Variants in RAVER2 observed in about 807,000 individuals in gnomAD.
The protein encoded by RAVER2 is ribonucleoprotein PTB-binding 2.
A neutral mutation model predicts 78.1 loss-of-function variants in RAVER2; 46 were observed. The ratio of observed to expected loss-of-function variants is 0.59; its 90% CI spans 0.46 to 0.75. RAVER2 has a LOEUF of 0.75. Among genes scored for constraint, RAVER2 ranks in the 30% least tolerant of loss-of-function variants. The pLI is 0.00. For synonymous variants in RAVER2, 311 were observed against 313.3 expected (o/e 0.99, Z 0.08); for missense variants, 793 against 837.5 (o/e 0.95, Z 0.66).
At chr1:64,789,126 A>G (rs1473875051) in intron 4 of RAVER2, among the ~76,000 whole-genome samples, 1 of 152,232 alleles carries the variant, frequency 6.6e-6, no homozygotes, top group Non-Finnish European at 1.5e-5. Context: ...TTTGTATGAT[A>G]TGATGAGACT....
At chr1:64,747,067 T>C (rs1245542558) in intron 1 of RAVER2, among the ~76,000 whole-genome samples, 1 of 152,220 alleles carries the variant, frequency 6.6e-6, no homozygotes, top group African/African-American at 2.4e-5. Flanking sequence ...GTTGGTATCT[T>C]TCTCATTTCC....
chr1:64,800,377 A>G (rs1653227988), intron 5 of RAVER2, among the ~76,000 whole-genome samples: 2 of 152,092 alleles, frequency 1.3e-5, no homozygotes, highest in African/African-American at 2.4e-5. Flanking sequence ...CAGTGTCCTC[A>G]AGTGTTTCCC....
chr1:64,830,586 T>C (rs1654103527), intron 11 of RAVER2, among the ~76,000 whole-genome samples: 1 of 152,188 alleles, frequency 6.6e-6, no homozygotes, highest in Non-Finnish European at 1.5e-5. Context: ...TTTTTTCTTT[T>C]CCCAAAAAGT....
intron 5 of RAVER2, among the ~76,000 whole-genome samples, chr1:64,792,462 TTGGACTC>T (rs1652970528): frequency 1.3e-5 from 2 of 152,356 alleles, no homozygotes; most frequent in South Asian, 2.1e-4. Flanking sequence ...ATCTGCCTCT[TTGGACTC>T]TGGGCTATCT....
intron 5 of RAVER2, among the ~76,000 whole-genome samples, chr1:64,796,062 A>C (rs182093326): frequency 4.6e-5 from 7 of 151,874 alleles, no homozygotes; most frequent in African/African-American, 1.7e-4. Context: ...TATTTTTCCT[A>C]TCTGTTAACA....
At chr1:64,807,793 T>G (rs1055159615) in intron 9 of RAVER2, among the ~76,000 whole-genome samples, 1 of 152,180 alleles carries the variant, frequency 6.6e-6, no homozygotes, top group Non-Finnish European at 1.5e-5. Context: ...TGTGGATTCT[T>G]TATTCCTTAT....
At chr1:64,750,178 C>T (rs367739348) in intron 1 of RAVER2, among the ~76,000 whole-genome samples, 1 of 152,128 alleles carries the variant, frequency 6.6e-6, no homozygotes, top group Non-Finnish European at 1.5e-5. Context: ...TTTACAGAGA[C>T]CCATTTGAAA....
At chr1:64,801,596 G>A (rs1049305221) in intron 5 of RAVER2, among the ~76,000 whole-genome samples, 3 of 149,230 alleles carry the variant, frequency 2.0e-5, no homozygotes, top group Non-Finnish European at 4.4e-5. Context: ...CAGGCCGGGC[G>A]CGGTGGCTCA....
At chr1:64,766,558 T>C (rs1278013716) in intron 1 of RAVER2, among the ~76,000 whole-genome samples, 1 of 152,188 alleles carries the variant, frequency 6.6e-6, no homozygotes, top group Non-Finnish European at 1.5e-5. Context: ...AGTAGAGATA[T>C]GGGTGTTTTC....
At chr1:64,795,114 A>G (rs1159778560) in intron 5 of RAVER2, among the ~76,000 whole-genome samples, 3 of 152,140 alleles carry the variant, frequency 2.0e-5, no homozygotes, top group Non-Finnish European at 4.4e-5. Flanking sequence ...AAATCAGTTC[A>G]CCATATATGC....
At chr1:64,771,622 G>T (rs1652323293) in intron 2 of RAVER2, among the ~76,000 whole-genome samples, 1 of 152,026 alleles carries the variant, frequency 6.6e-6, no homozygotes, top group South Asian at 2.1e-4. Context: ...AATAAAATGT[G>T]TAACAGCAAT....
chr1:64,749,501 G>A (rs537155957), intron 1 of RAVER2, among the ~76,000 whole-genome samples: 78 of 152,200 alleles, frequency 5.1e-4, no homozygotes, highest in African/African-American at 1.9e-3. Context: ...GTGAGCCACC[G>A]TGCCCGGCCA....
intron 11 of RAVER2, among the ~76,000 whole-genome samples, chr1:64,819,293 A>G (rs1033664657): frequency 2.6e-5 from 4 of 152,208 alleles, no homozygotes; most frequent in African/African-American, 9.6e-5. Context: ...ATCTCTGCCA[A>G]GAGATATAAA....
At chr1:64,809,785 A>G (rs1374023373) in intron 9 of RAVER2, among the ~76,000 whole-genome samples, 1 of 152,162 alleles carries the variant, frequency 6.6e-6, no homozygotes, top group Non-Finnish European at 1.5e-5. Flanking sequence ...TAGCCCAGGT[A>G]ACCACCGTTT....
intron 4 of RAVER2, among the ~76,000 whole-genome samples, chr1:64,787,209 T>A (rs17389446): frequency 0.05 from 7,617 of 152,300 alleles, 302 homozygotes; most frequent in Admixed American, 0.14. Context: ...TATAGGTGGT[T>A]CAGTTTGTTG....
At chr1:64,758,914 T>G (rs377764466) in intron 1 of RAVER2, among the ~76,000 whole-genome samples, 2 of 151,750 alleles carry the variant, frequency 1.3e-5, no homozygotes, top group Non-Finnish European at 2.9e-5. Context: ...TATTTAATAT[T>G]TACATATTAA....
At chr1:64,825,526 A>G (rs1353570461) in intron 11 of RAVER2, among the ~76,000 whole-genome samples, 1 of 152,234 alleles carries the variant, frequency 6.6e-6, no homozygotes, top group Non-Finnish European at 1.5e-5. Flanking sequence ...ACAATAATAA[A>G]TATCTTTAAT....
chr1:64,794,801 G>A (rs1653052042), intron 5 of RAVER2, among the ~76,000 whole-genome samples: 1 of 151,888 alleles, frequency 6.6e-6, no homozygotes, highest in Admixed American at 6.6e-5. Context: ...CTTTTGAGGA[G>A]CAAAATTTTT....
chr1:64,748,813 A>C (rs1032537267), intron 1 of RAVER2, among the ~76,000 whole-genome samples: 1 of 152,152 alleles, frequency 6.6e-6, no homozygotes, highest in Non-Finnish European at 1.5e-5. Flanking sequence ...GCCCCTGCCT[A>C]CGTTTCCAGT....
Sources: gnomAD v4.1 joint callset for allele counts (sites outside exome capture counted in the v4.1 genomes callset) on GRCh38, gnomAD v4.1.1 for gene constraint, MANE v1.5 for transcripts, NCBI Gene and HGNC (gene_info 2026-07-23, HGNC 2026-07-21) for gene names.